Variants in IMPG2 observed in about 807,000 individuals in gnomAD.
IMPG2 encodes the protein interphotoreceptor matrix proteoglycan 2, also known as IPM 200.
In IMPG2, 91 loss-of-function variants were observed where a neutral mutation model predicts 129.2. The observed-to-expected ratio is 0.70, with a 90% CI of 0.59 to 0.84. The LOEUF is 0.84. Ranked by LOEUF, IMPG2 falls within the 40% of genes least tolerant of loss-of-function variation. The probability of loss-of-function intolerance (pLI) is 0.00; values close to 1 mark genes in which losing one functional copy is unlikely to be tolerated. For missense variants in IMPG2, 1,430 were observed against 1,461.7 expected (o/e 0.98, Z 0.35); for synonymous variants, 510 against 517.7 (o/e 0.99, Z 0.20).
intron 3 of IMPG2, among the ~76,000 whole-genome samples, chr3:101,298,112 T>C (rs1490802935): frequency 6.6e-6 from 1 of 152,240 alleles, no homozygotes; most frequent in Non-Finnish European, 1.5e-5. Context: ...TTTAGGATAG[T>C]TAGCTCTTCT....
At chr3:101,286,714 A>G (rs917780492) in intron 4 of IMPG2, among the ~76,000 whole-genome samples, 45 of 152,294 alleles carry the variant, frequency 3.0e-4, no homozygotes, top group Non-Finnish European at 5.7e-4. Flanking sequence ...TTCTCTTCAC[A>G]TGAGCAGAAT....
intron 4 of IMPG2, among the ~76,000 whole-genome samples, chr3:101,289,668 G>T (rs1184475212): frequency 6.6e-6 from 1 of 151,902 alleles, no homozygotes; most frequent in East Asian, 1.9e-4. Flanking sequence ...TGTTAATTTT[G>T]ATCTTAAAAG....
intron 6 of IMPG2, among the ~76,000 whole-genome samples, chr3:101,274,188 C>CA (rs1706818485): frequency 6.6e-6 from 1 of 151,252 alleles, no homozygotes; most frequent in Non-Finnish European, 1.5e-5. Context: ...TACTCCATTT[C>CA]AAAAAAATAA....
At chr3:101,295,889 C>T (rs1183887880) in intron 3 of IMPG2, among the ~76,000 whole-genome samples, 2 of 152,136 alleles carry the variant, frequency 1.3e-5, no homozygotes, top group African/African-American at 2.4e-5. Flanking sequence ...TATAGGAATG[C>T]TTGTGTATTT....
In IMPG2 at chr3:101,243,749, T is replaced by C; in HGVS notation, c.2582A>G (p.Lys861Arg). 1.2e-6 allele frequency: 2 copies of C among 1,613,814 alleles called. No homozygotes were observed. The highest frequency in any genetic ancestry group is 2.2e-5 in the East Asian group (1 of 44,878). Residue 861 changes from lysine to arginine, a missense_variant, in exon 13 of 19, where the codon AAG becomes AGG. Lys to Arg is a conservative substitution (Grantham distance 26, BLOSUM62 2). Transcript: ENST00000193391. ...TGACATTTCCACATAACTACCAACC[T>C]TGCCATTTTGCTCTTGGACTTGCTC... The part of the protein sequence containing the change: ...QPEQVQEQNG[K>R]VGSYVEMSTS...
intron 10 of IMPG2, among the ~76,000 whole-genome samples, chr3:101,255,280 T>G (rs182396102): frequency 1.3e-5 from 2 of 152,218 alleles, no homozygotes; most frequent in East Asian, 3.9e-4. Flanking sequence ...TTCTGAGTAA[T>G]TGAAATATAT....
At position 101,307,219 on chromosome 3, in the gene IMPG2, A is replaced by G. The variant is rs1325236312; in HGVS notation, c.335-2907T>C. On this transcript the variant is annotated intron_variant, in intron 2 of 18. Coordinates refer to ENST00000193391, the MANE Select transcript of IMPG2 (RefSeq NM_016247.4). ...AACCAAGAATGACTGAAATTTTTACATGGACAACACCAAAATTTGGCAAAA... is the reference window on the plus strand; with the variant it reads ...AACCAAGAATGACTGAAATTTTTACGTGGACAACACCAAAATTTGGCAAAA... Among the ~76,000 whole-genome samples, 5 of 152,242 alleles carry G rather than the reference A, an allele frequency of 3.3e-5. No homozygotes were observed. The East Asian group carries it at 9.6e-4, about 29-fold the overall frequency.
In IMPG2 at chr3:101,224,064, G is replaced by A. The variant is rs967296819; in HGVS notation, c.*2905C>T. 3 of 152,204 alleles carry A rather than the reference G, an allele frequency of 2.0e-5. No individual in the cohort carries two copies. The highest frequency in any genetic ancestry group is 7.2e-5 in the African/African-American group (3 of 41,440). 9.4% of individuals were successfully genotyped at this position (152,204 alleles called of 1,614,324 possible). A position where few individuals can be genotyped will look rare whatever the true frequency, so the allele number is the denominator to read the frequency against. ...GGAAGCTGAAGCACGAGAATCGCTT[G>A]AACCCAGGAGGCAGAGGTTGCCAGG... On this transcript the variant is annotated 3_prime_UTR_variant, in exon 19 of 19. Coordinates refer to ENST00000193391, the MANE Select transcript of IMPG2 (RefSeq NM_016247.4).
At chr3:101,245,275 T>C (rs953465116) in intron 12 of IMPG2, among the ~76,000 whole-genome samples, 1 of 152,186 alleles carries the variant, frequency 6.6e-6, no homozygotes, top group Non-Finnish European at 1.5e-5. Flanking sequence ...GTAAACTCCA[T>C]TCCTAAGTCA....
At chr3:101,257,340 T>C (rs1232225697) in intron 10 of IMPG2, among the ~76,000 whole-genome samples, 189 bp downstream of exon 10, 3 of 152,160 alleles carry the variant, frequency 2.0e-5, no homozygotes, top group Non-Finnish European at 2.9e-5. Context: ...TCTACAAATA[T>C]TCCAGAAAGC....
intron 4 of IMPG2, among the ~76,000 whole-genome samples, chr3:101,286,064 G>A (rs1017584968): frequency 2.6e-5 from 4 of 151,992 alleles, no homozygotes; most frequent in Non-Finnish European, 4.4e-5. Context: ...CCTTGGACAA[G>A]TCCCTTAAAT....
intron 11 of IMPG2, among the ~76,000 whole-genome samples, chr3:101,251,621 A>G (rs1706544749): frequency 6.6e-6 from 1 of 152,204 alleles, no homozygotes; most frequent in African/African-American, 2.4e-5. Context: ...AGTCCTAAAG[A>G]AAGCACACTG....
intron 4 of IMPG2, among the ~76,000 whole-genome samples, chr3:101,277,928 T>A (rs1247357071): frequency 6.6e-6 from 1 of 152,202 alleles, no homozygotes; most frequent in African/African-American, 2.4e-5. Context: ...TGTTTTCAAC[T>A]CATAGCAATT....
At chr3:101,243,019 A>G in intron 13 of IMPG2, 112 bp from the exon 14 acceptor site, 1 of 806,688 alleles carries the variant, frequency 1.2e-6, no homozygotes, top group South Asian at 1.4e-5. Context: ...ACTTTTCCTA[A>G]TTGTATTTTA....
chr3:101,226,262 TA>T lies in IMPG2; in HGVS notation c.*706del. On this transcript the variant is annotated 3_prime_UTR_variant, in exon 19 of 19. Transcript: ENST00000193391. Reference sequence around the variant, plus strand: ...ATATATATATATATATATATATATATATATATATATATATATATGCATTCAT... The same window carrying T: ...ATATATATATATATATATATATATATTATATATATATATATATGCATTCAT... 1 of 29,756 alleles carries T rather than the reference TA, an allele frequency of 3.4e-5. No individual in the cohort carries two copies. The allele number at this position is 29,756 out of a possible 1,614,324, so 1.8% of individuals were successfully genotyped here.
intron 3 of IMPG2, among the ~76,000 whole-genome samples, chr3:101,296,607 T>C (rs1419669908): frequency 6.6e-6 from 1 of 152,172 alleles, no homozygotes; most frequent in South Asian, 2.1e-4. Context: ...GTCCTTCCTT[T>C]TCAATTGTTT....
In IMPG2 at chr3:101,304,286, A is replaced by G. The variant is rs752379965; in HGVS notation, c.361T>C (p.Phe121Leu). The G allele has an allele frequency of 9.3e-6, 15 of 1,613,892 alleles. No homozygotes were observed. The highest frequency in any genetic ancestry group is 1.1e-5 in the Non-Finnish European group (13 of 1,179,764). ...GGAAGTCGATCCCAAAAAGTCCTGA[A>G]GGCTTCCCAGACAGCTTCCTGACAC... ...RVCQEAVWEAFRTFWDRLPGR... is the reference protein window; with the variant it reads ...RVCQEAVWEALRTFWDRLPGR... Residue 121 changes from phenylalanine to leucine, a missense_variant, in exon 3 of 19, where the codon TTC (phenylalanine) becomes CTC (leucine). Physicochemically the swap from Phe to Leu is conservative, Grantham distance 22. Transcript: ENST00000193391.
At chr3:101,255,174 A>C (rs546261169) in intron 10 of IMPG2, among the ~76,000 whole-genome samples, 2 of 152,236 alleles carry the variant, frequency 1.3e-5, no homozygotes, top group Admixed American at 6.6e-5. Context: ...AAGGAGGATC[A>C]TATCTTTTGA....
intron 17 of IMPG2, 43 bp downstream of exon 17, chr3:101,229,337 C>A: frequency 7.4e-7 from 1 of 1,348,970 alleles, no homozygotes; most frequent in South Asian, 1.2e-5. Context: ...CACACACACA[C>A]CAGCAGTAGC....
Sources: gnomAD v4.1 joint callset for allele counts (sites outside exome capture counted in the v4.1 genomes callset) on GRCh38, gnomAD v4.1.1 for gene constraint, MANE v1.5 for transcripts, NCBI Gene and HGNC (gene_info 2026-07-23, HGNC 2026-07-21) for gene names.